The following DENND5A variants were observed in gnomAD, a reference collection of about 807,000 sequenced individuals.
The protein encoded by DENND5A is DENN domain-containing protein 5A.
In DENND5A, 64 loss-of-function variants were observed where a neutral mutation model predicts 140.3. That is an observed-to-expected ratio of 0.46 (90% CI 0.37 to 0.56). DENND5A has a LOEUF of 0.56. DENND5A is among the 20% of genes least tolerant of loss of function. The pLI is 0.00. For synonymous variants in DENND5A, 605 were observed against 607.7 expected, an observed-to-expected ratio of 1.00 and a Z score of 0.07; for missense variants, 1,292 against 1,593.8, an observed-to-expected ratio of 0.81 and a Z score of 3.22.
At chr11:9,189,480 T>C (rs562405434) in intron 5 of DENND5A, among the ~76,000 whole-genome samples, 1 of 152,214 alleles carries the variant, frequency 6.6e-6, no homozygotes, top group African/African-American at 2.4e-5. Flanking sequence ...CAGCTTGCAC[T>C]GTGTGCCTGG....
At chr11:9,204,454 TG>T (rs1849629526) in intron 3 of DENND5A, 137 bp from the exon 4 acceptor site, 1 of 734,642 alleles carries the variant, frequency 1.4e-6, no homozygotes, top group African/African-American at 1.8e-5. Context: ...CTCTTTCTAA[TG>T]CAAGACATGC....
chr11:9,231,291 C>CA (rs1850759085), intron 1 of DENND5A, among the ~76,000 whole-genome samples: 1 of 152,194 alleles, frequency 6.6e-6, no homozygotes, highest in Admixed American at 6.5e-5. Context: ...TATACCACGG[C>CA]AGAGCCCACA....
intron 1 of DENND5A, among the ~76,000 whole-genome samples, chr11:9,257,648 A>G (rs975769206): frequency 6.7e-6 from 1 of 150,094 alleles, no homozygotes; most frequent in Non-Finnish European, 1.5e-5. Context: ...CACCCGGCTA[A>G]TTTTTTTGAA....
chr11:9,265,060 C>T lies in DENND5A; in HGVS notation c.10G>A (p.Gly4Ser), dbSNP rs768423122. Reference protein sequence around the residue: MSGGGGGGGSAPSR... With the variant: MSGSGGGGGSAPSR... ...GGCGCCGAGCCCCCTCCGCCGCCGC[C>T]GCCACTCATGGCGCCGGGGCCGAGA... Residue 4 changes from glycine to serine, a missense_variant, in exon 1 of 23, where the codon GGC becomes AGC. By Grantham distance (56) the Gly-to-Ser change is moderately conservative. Transcript: ENST00000328194. This position sits in a 1 kb window ranked among gnomAD's most constrained non-coding sequence, Gnocchi z 4.7. The T allele has an allele frequency of 5.2e-6, 8 of 1,543,308 alleles. No homozygotes were observed. The highest frequency in any genetic ancestry group is 4.8e-5 in the South Asian group (4 of 84,102).
intron 1 of DENND5A, among the ~76,000 whole-genome samples, chr11:9,260,591 G>A (rs906917243): frequency 2.4e-4 from 37 of 152,264 alleles, no homozygotes; most frequent in African/African-American, 7.7e-4. Context: ...CCTCAAGGTG[G>A]CTAAATCTGT....
intron 17 of DENND5A, chr11:9,145,464 C>G: frequency 1.6e-6 from 1 of 626,126 alleles, no homozygotes; most frequent in Non-Finnish European, 2.8e-6. Flanking sequence ...CAAGTAAGTG[C>G]CTTCCAAACA....
intron 5 of DENND5A, among the ~76,000 whole-genome samples, chr11:9,182,454 G>T (rs1301441713): frequency 6.6e-6 from 1 of 152,208 alleles, no homozygotes; most frequent in Admixed American, 6.5e-5. Context: ...GCTGGGACTT[G>T]AACTCAGCTA....
At chr11:9,140,069 C>T in intron 22 of DENND5A, 1 of 1,155,650 alleles carries the variant, frequency 8.7e-7, no homozygotes, top group Non-Finnish European at 1.2e-6. Context: ...CTGTCATGAG[C>T]CTCCAAGCCT....
intron 1 of DENND5A, among the ~76,000 whole-genome samples, chr11:9,259,156 AG>A (rs949728268): frequency 2.0e-5 from 3 of 152,266 alleles, no homozygotes; most frequent in South Asian, 2.1e-4. Context: ...GCTACTTGAG[AG>A]GCTGAGGCAG....
intron 12 of DENND5A, among the ~76,000 whole-genome samples, chr11:9,160,160 C>T (rs1488215154): frequency 2.6e-5 from 4 of 152,054 alleles, no homozygotes; most frequent in Non-Finnish European, 4.4e-5. Flanking sequence ...TTTAAAAATA[C>T]ATAAAAATAA....
chr11:9,233,143 A>C (rs913463621), intron 1 of DENND5A, among the ~76,000 whole-genome samples: 1 of 152,194 alleles, frequency 6.6e-6, no homozygotes, highest in Non-Finnish European at 1.5e-5. Context: ...GCTCACGCCT[A>C]TAATCCCAAC....
intron 5 of DENND5A, among the ~76,000 whole-genome samples, chr11:9,192,063 C>T (rs1369221366): frequency 6.6e-6 from 1 of 151,882 alleles, no homozygotes; most frequent in African/African-American, 2.4e-5. Context: ...GAGCACAACG[C>T]TCTATAAAGT....
chr11:9,221,794 G>A (rs182254846), intron 1 of DENND5A, among the ~76,000 whole-genome samples: 54 of 152,114 alleles, frequency 3.5e-4, no homozygotes, highest in Admixed American at 1.0e-3. Context: ...GTCTTGCTCT[G>A]TCACCCAGGC....
chr11:9,157,543 T>C (rs10840183), intron 12 of DENND5A, among the ~76,000 whole-genome samples: 70,658 of 151,972 alleles, frequency 0.46, 17,624 homozygotes, highest in African/African-American at 0.64. Context: ...TCCATGGGTA[T>C]TCAATGTTTA....
intron 12 of DENND5A, among the ~76,000 whole-genome samples, chr11:9,153,666 G>A (rs1179770406): frequency 6.6e-6 from 1 of 152,156 alleles, no homozygotes; most frequent in Non-Finnish European, 1.5e-5. Flanking sequence ...GGGAGAGTAA[G>A]TCATCACTAT....
At chr11:9,262,031 A>C (rs1852226029) in intron 1 of DENND5A, among the ~76,000 whole-genome samples, 1 of 152,192 alleles carries the variant, frequency 6.6e-6, no homozygotes, top group African/African-American at 2.4e-5. Flanking sequence ...ACAAGGATAT[A>C]ATTTTAGCTT....
At chr11:9,141,042 C>A (rs1847220883) in intron 22 of DENND5A, among the ~76,000 whole-genome samples, 1 of 152,134 alleles carries the variant, frequency 6.6e-6, no homozygotes, top group Admixed American at 6.5e-5. Flanking sequence ...AGGAGACTCA[C>A]TTGAACCCAG....
chr11:9,243,908 T>C (rs577119903), intron 1 of DENND5A, among the ~76,000 whole-genome samples: 37 of 152,224 alleles, frequency 2.4e-4, no homozygotes, highest in Non-Finnish European at 4.3e-4. Flanking sequence ...AATAATATTT[T>C]ATTTCCCTTA....
At position 9,177,324 on chromosome 11, in the gene DENND5A, C is replaced by T. The variant is rs547145801; in HGVS notation, c.1906+808G>A. The stretch of plus-strand genomic sequence containing the variant: ...GTGAATATAGCCGGCATCAACCTTC[C>T]CCTCTTCTTGCCTCGAATGTGAATA... On this transcript the variant is annotated intron_variant, in intron 8 of 22. Transcript: ENST00000328194. 5.9e-5 allele frequency among the ~76,000 whole-genome samples: 9 copies of T among 151,444 alleles called. No individual in the cohort carries two copies. The South Asian group carries it at 1.7e-3, about 28-fold the overall frequency.
Sources: gnomAD v4.1 joint callset for allele counts (sites outside exome capture counted in the v4.1 genomes callset) on GRCh38, gnomAD v4.1.1 for gene constraint, Gnocchi (gnomAD v3.1) non-coding constraint, MANE v1.5 for transcripts, NCBI Gene and HGNC (gene_info 2026-07-23, HGNC 2026-07-21) for gene names.